TTC7B: variants seen among roughly 807,000 people sequenced by gnomAD.
The protein encoded by TTC7B is tetratricopeptide repeat protein 7B.
TTC7B carries 28 observed loss-of-function variants against 106.8 expected under a neutral mutation model. The ratio of observed to expected loss-of-function variants is 0.26; its 90% confidence interval spans 0.19 to 0.36. TTC7B has a LOEUF of 0.36. Ranked by LOEUF, TTC7B falls within the 10% of genes least tolerant of loss-of-function variation. The pLI is 1.00. For missense variants in TTC7B, 862 were observed against 1,076.4 expected (o/e 0.80, Z 2.79); for synonymous variants, 405 against 430.6 (o/e 0.94, Z 0.74).
intron 17 of TTC7B, 44 bp downstream of exon 17, chr14:90,610,698 T>C (rs1408801322): frequency 3.5e-6 from 5 of 1,421,326 alleles, no homozygotes; most frequent in Non-Finnish European, 5.0e-6. Flanking sequence ...GGCCCCCACA[T>C]TCTCCATTAC....
chr14:90,701,794 GTGTATATA>G (rs1269421322), intron 5 of TTC7B, among the ~76,000 whole-genome samples: 3 of 124,882 alleles, frequency 2.4e-5, no homozygotes, highest in Non-Finnish European at 1.6e-5. Flanking sequence ...GTGTGTGTGT[GTGTATATA>G]TATATATATA....
chr14:90,739,288 C>T (rs1335936873), intron 4 of TTC7B, among the ~76,000 whole-genome samples: 2 of 152,200 alleles, frequency 1.3e-5, no homozygotes, highest in Admixed American at 1.3e-4. Context: ...AAAAGGTAGG[C>T]CTGAAACGGG....
intron 13 of TTC7B, chr14:90,648,324 A>T (rs968924297): frequency 7.2e-5 from 11 of 151,924 alleles, no homozygotes; most frequent in Non-Finnish European, 1.5e-4. Flanking sequence ...TGCCTGTGTT[A>T]CCCTTTTACA....
chr14:90,795,304 A>G (rs1352388414), intron 1 of TTC7B, among the ~76,000 whole-genome samples: 1 of 152,220 alleles, frequency 6.6e-6, no homozygotes. Flanking sequence ...GTAACAAACA[A>G]GGTGAGCCCA....
chr14:90,810,230 A>G (rs2030823853), intron 1 of TTC7B, among the ~76,000 whole-genome samples: 1 of 152,126 alleles, frequency 6.6e-6, no homozygotes, highest in African/African-American at 2.4e-5. Flanking sequence ...GCCGCCCCAG[A>G]CCCCATTGGG....
chr14:90,534,225 T>C lies in TTC7B; in HGVS notation c.*7143A>G, dbSNP rs77235634. On this transcript the variant is annotated 3_prime_UTR_variant, in exon 20 of 20. Transcript: ENST00000328459. The stretch of plus-strand genomic sequence containing the variant: ...AGGATGTCCTTTTTCTGTTCCTATC[T>C]GGCTGCAGCGTGGGCAGGGGCAGCA... 0.14 allele frequency: 21,282 copies of C among 152,428 alleles called. 3,535 individuals are homozygous for C. The highest frequency in any genetic ancestry group is 0.4 in the African/African-American group (16,713 of 41,522). The allele number at this position is 152,428 out of a possible 1,614,324, so 9.4% of individuals were successfully genotyped here.
At chr14:90,768,034 G>A (rs1348989420) in intron 3 of TTC7B, among the ~76,000 whole-genome samples, 2 of 151,764 alleles carry the variant, frequency 1.3e-5, no homozygotes, top group African/African-American at 4.8e-5. Context: ...AACTTTTGAA[G>A]GACAAAGGGA....
In TTC7B at chr14:90,745,336, G is replaced by T. The variant is rs150212851; in HGVS notation, c.446-414C>A. Among the ~76,000 whole-genome samples, 26 of 149,994 alleles carry T rather than the reference G, an allele frequency of 1.7e-4. 1 individual carries two copies. The East Asian group carries it at 4.7e-3, about 27-fold the overall frequency. Reference sequence around the variant, plus strand: ...AAAAAGAAGAAGAAGAAGAAGAAGTGGTGAGAATAAATATCCCTATCTTAT... The same window carrying T: ...AAAAAGAAGAAGAAGAAGAAGAAGTTGTGAGAATAAATATCCCTATCTTAT... On this transcript the variant is annotated intron_variant, in intron 3 of 19. Transcript: ENST00000328459.
chr14:90,589,621 T>C (rs555525261), intron 18 of TTC7B, among the ~76,000 whole-genome samples: 188 of 152,346 alleles, frequency 1.2e-3, no homozygotes, highest in African/African-American at 4.3e-3. Context: ...AAGGGTAGAC[T>C]GTGTATAGGG....
At chr14:90,576,087 G>A (rs555373028) in intron 19 of TTC7B, among the ~76,000 whole-genome samples, 40 of 152,120 alleles carry the variant, frequency 2.6e-4, no homozygotes, top group Admixed American at 7.9e-4. Context: ...AGCTCCAAAG[G>A]TGAAACAGAA....
At chr14:90,714,073 C>A (rs1399575497) in intron 5 of TTC7B, among the ~76,000 whole-genome samples, 2 of 151,992 alleles carry the variant, frequency 1.3e-5, no homozygotes, top group South Asian at 2.1e-4. Context: ...ATTAAAAACA[C>A]AAAAAAATTA....
rs1275124375 is a variant in TTC7B, at chr14:90,531,717, TCCAAAGGACAAG to T, written c.*9639_*9650del. On this transcript the variant is annotated 3_prime_UTR_variant, in exon 20 of 20. Transcript: ENST00000328459. The stretch of plus-strand genomic sequence containing the variant: ...CCAGTGCAGACAGGCACAGTCCAGA[TCCAAAGGACAAG>T]CTGGCTCAAGATTTTGAAAGCAATG... 1 of 149,562 alleles carries T rather than the reference TCCAAAGGACAAG, an allele frequency of 6.7e-6. No homozygotes were observed. The highest frequency in any genetic ancestry group is 6.7e-5 in the Admixed American group (1 of 15,028). The allele number at this position is 149,562 out of a possible 1,614,324, so 9.3% of individuals were successfully genotyped here.
chr14:90,760,531 T>G (rs1376715434), intron 3 of TTC7B, among the ~76,000 whole-genome samples: 1 of 152,194 alleles, frequency 6.6e-6, no homozygotes, highest in Non-Finnish European at 1.5e-5. Flanking sequence ...ATTTACACTC[T>G]TCACCACATT....
intron 7 of TTC7B, among the ~76,000 whole-genome samples, chr14:90,683,512 G>A (rs1376327725): frequency 6.6e-6 from 1 of 152,018 alleles, no homozygotes; most frequent in Admixed American, 6.6e-5. Context: ...AAAAGGAATA[G>A]GACTTAAATT....
chr14:90,764,549 A>G lies in TTC7B; in HGVS notation c.445+16189T>C, dbSNP rs564433146. Among the ~76,000 whole-genome samples, 5 of 152,310 alleles carry G rather than the reference A, an allele frequency of 3.3e-5. No individual in the cohort carries two copies. The South Asian group carries it at 1.0e-3, about 32-fold the overall frequency. On this transcript the variant is annotated intron_variant, in intron 3 of 19. Transcript: ENST00000328459. ...ACCCACAAAATTGTAGAAAATATTTACAAACCATATATCTGTAAAAGAAAT... is the reference window on the plus strand; with the variant it reads ...ACCCACAAAATTGTAGAAAATATTTGCAAACCATATATCTGTAAAAGAAAT...
intron 1 of TTC7B, among the ~76,000 whole-genome samples, chr14:90,786,531 T>C (rs1891395569): frequency 6.6e-6 from 1 of 152,180 alleles, no homozygotes; most frequent in Non-Finnish European, 1.5e-5. Flanking sequence ...TCCAGTAGCA[T>C]GTACTCAAAT....
chr14:90,758,952 T>C (rs1325912709), intron 3 of TTC7B, among the ~76,000 whole-genome samples: 2 of 152,230 alleles, frequency 1.3e-5, no homozygotes, highest in African/African-American at 2.4e-5. Flanking sequence ...TTTAATGCTG[T>C]AGTCATTATT....
At chr14:90,766,594 G>A in intron 3 of TTC7B, 1 of 845,224 alleles carries the variant, frequency 1.2e-6, no homozygotes, top group Non-Finnish European at 2.1e-6. Context: ...CATCATCGAT[G>A]GGCAGTGGAA....
chr14:90,602,885 C>T (rs1020977138), intron 17 of TTC7B, among the ~76,000 whole-genome samples: 19 of 152,084 alleles, frequency 1.2e-4, no homozygotes, highest in Admixed American at 6.5e-5. Flanking sequence ...CAACTGGTTC[C>T]CTCTACCTAA....
Sources: gnomAD v4.1 joint callset for allele counts (sites outside exome capture counted in the v4.1 genomes callset) on GRCh38, gnomAD v4.1.1 for gene constraint, MANE v1.5 for transcripts, NCBI Gene and HGNC (gene_info 2026-07-23, HGNC 2026-07-21) for gene names.